PDCD10: variants seen among roughly 807,000 people sequenced by gnomAD.
PDCD10 encodes programmed cell death protein 10.
In PDCD10, 4 loss-of-function variants were observed where a neutral mutation model predicts 29.2. The ratio of observed to expected loss-of-function variants is 0.14; its 90% CI spans 0.07 to 0.31. The LOEUF (loss-of-function observed/expected upper bound fraction) is 0.31. Ranked by LOEUF, PDCD10 falls within the 10% of genes least tolerant of loss-of-function variation. PDCD10 has a pLI of 1.00. For synonymous variants in PDCD10, 70 were observed against 82.2 expected, an observed-to-expected ratio of 0.85 and a Z score of 0.80; for missense variants, 183 against 257.9, an observed-to-expected ratio of 0.71 and a Z score of 1.99.
intron 2 of PDCD10, among the ~76,000 whole-genome samples, chr3:167,726,561 ATCTC>A (rs1724204136): frequency 6.6e-6 from 1 of 152,150 alleles, no homozygotes; most frequent in Non-Finnish European, 1.5e-5. Flanking sequence ...AGTTTTGTAA[ATCTC>A]TATTTCTAAA....
intron 3 of PDCD10, among the ~76,000 whole-genome samples, chr3:167,715,188 G>C (rs777570482): frequency 6.6e-6 from 1 of 151,854 alleles, no homozygotes; most frequent in Non-Finnish European, 1.5e-5. Flanking sequence ...TTAATAAATG[G>C]TGCACAGAAA....
At chr3:167,691,001 A>G (rs2108386853) in intron 6 of PDCD10, among the ~76,000 whole-genome samples, 1 of 152,340 alleles carries the variant, frequency 6.6e-6, no homozygotes, top group African/African-American at 2.4e-5. Context: ...AGCATCACCT[A>G]TAGTACTTGG....
chr3:167,717,596 T>C (rs1304806549), intron 3 of PDCD10, among the ~76,000 whole-genome samples: 1 of 151,790 alleles, frequency 6.6e-6, no homozygotes, highest in Non-Finnish European at 1.5e-5. Flanking sequence ...ATATGTTATG[T>C]TAACAAACTA....
At chr3:167,686,582 G>C (rs539444938) in intron 8 of PDCD10, among the ~76,000 whole-genome samples, 83 of 152,258 alleles carry the variant, frequency 5.5e-4, no homozygotes, top group African/African-American at 2.0e-3. Flanking sequence ...TAGTGCAGTA[G>C]TTCTCAATAG....
rs11332537 is a variant in PDCD10, at chr3:167,695,998, CA to C, written c.269-277del. Among the ~76,000 whole-genome samples the C allele has an allele frequency of 0.34, 48,286 of 141,936 alleles. 9,377 individuals carry two copies. The highest frequency in any genetic ancestry group is 0.57 in the African/African-American group (22,531 of 39,270). The allele number at this position is 141,936 out of a possible 152,430, so 93.1% of individuals were successfully genotyped here. On this transcript the variant is annotated intron_variant, in intron 5 of 8. Coordinates refer to ENST00000392750, the MANE Select transcript of PDCD10 (RefSeq NM_007217.4). ...TGAAATCTTAAAAAAAAAAAACACA[CA>C]AAAAAAAAACAGATTTAAAAGGGAG...
At chr3:167,725,761 GTTTATATATATATATATATATATATATA>G (rs1215519878) in intron 2 of PDCD10, among the ~76,000 whole-genome samples, 2 of 54,712 alleles carry the variant, frequency 3.7e-5, no homozygotes, top group East Asian at 9.0e-4. Flanking sequence ...CCATTGTATC[GTTTATATATATATATATATATATATATA>G]TATATATATA....
chr3:167,698,087 T>C (rs935082308), intron 4 of PDCD10: 3 of 433,790 alleles, frequency 6.9e-6, no homozygotes, highest in Admixed American at 2.5e-5. Flanking sequence ...TTCAATTCCA[T>C]TGATTATCAC....
chr3:167,712,787 C>CA (rs1363515647), intron 3 of PDCD10, among the ~76,000 whole-genome samples: 2 of 151,292 alleles, frequency 1.3e-5, no homozygotes, highest in South Asian at 2.1e-4. Context: ...AAATGGAAAC[C>CA]AAAAAAAGAG....
intron 4 of PDCD10, among the ~76,000 whole-genome samples, chr3:167,701,032 A>G (rs1448143620): frequency 5.9e-5 from 9 of 152,178 alleles, no homozygotes. Context: ...GTTTATGATC[A>G]GGACTGTCCT....
intron 2 of PDCD10, among the ~76,000 whole-genome samples, chr3:167,728,127 C>T (rs1329030093): frequency 6.6e-6 from 1 of 151,666 alleles, no homozygotes; most frequent in Non-Finnish European, 1.5e-5. Flanking sequence ...TTTAAGGGAG[C>T]ATACCAAAAA....
At chr3:167,700,821 A>G (rs189295877) in intron 4 of PDCD10, among the ~76,000 whole-genome samples, 2 of 152,348 alleles carry the variant, frequency 1.3e-5, no homozygotes, top group African/African-American at 2.4e-5. Flanking sequence ...GAGGCAGCAA[A>G]TAAGTCCCCA....
chr3:167,732,203 C>A (rs1577384074), intron 2 of PDCD10, among the ~76,000 whole-genome samples: 1 of 152,168 alleles, frequency 6.6e-6, no homozygotes, highest in South Asian at 2.1e-4. Context: ...TTTTGTCTTA[C>A]TCCCACCAGT....
chr3:167,699,617 G>T (rs1041276438), intron 4 of PDCD10, among the ~76,000 whole-genome samples: 2 of 152,132 alleles, frequency 1.3e-5, no homozygotes, highest in Non-Finnish European at 2.9e-5. Flanking sequence ...AACCCTGTAG[G>T]GTGTCTAATC....
rs1251229309 is a variant in PDCD10 at position 167,695,485 on chromosome 3, T to G, written c.395+111A>C. On this transcript the variant is annotated intron_variant, in intron 6 of 8. Transcript: ENST00000392750. ...ATGTGGTATTTAAAAATTTGAGATT[T>G]TATTTCAAATAAGCATTTCAAGTTA... 3.2e-5 allele frequency: 31 copies of G among 970,726 alleles called. 1 individual carries two copies. Among genetic ancestry groups the G allele is most frequent in the Non-Finnish European group, 4.9e-5 (30 of 611,002 alleles). 60.1% of individuals were successfully genotyped at this position (970,726 alleles called of 1,614,324 possible). A position where few individuals can be genotyped will look rare whatever the true frequency, so the allele number is the denominator to read the frequency against.
intron 8 of PDCD10, among the ~76,000 whole-genome samples, chr3:167,685,801 T>A (rs944023984): frequency 2.0e-5 from 3 of 152,200 alleles, no homozygotes; most frequent in African/African-American, 7.2e-5. Flanking sequence ...TAAAAGTTTA[T>A]TTTCAAAACA....
At chr3:167,709,384 G>A (rs545284371) in intron 3 of PDCD10, among the ~76,000 whole-genome samples, 6 of 152,160 alleles carry the variant, frequency 3.9e-5, no homozygotes, top group African/African-American at 7.2e-5. Flanking sequence ...CCCCCATCCC[G>A]CAATAGCAGC....
In PDCD10 at chr3:167,696,116, C is replaced by T. The variant is rs923264353; in HGVS notation, c.269-394G>A. ...ATAACTAGTGCAAAGGTAATATCTA[C>T]TTGCCAACTGGAAAGATTAAAAATT... On this transcript the variant is annotated intron_variant, in intron 5 of 8. Transcript: ENST00000392750. Among the ~76,000 whole-genome samples, 34 of 152,024 alleles carry T rather than the reference C, an allele frequency of 2.2e-4. 1 individual carries two copies. The highest frequency in any genetic ancestry group is 1.8e-3 in the Admixed American group (27 of 15,270).
chr3:167,697,642 TAACTA>T (rs1720948257), intron 4 of PDCD10, among the ~76,000 whole-genome samples: 1 of 152,222 alleles, frequency 6.6e-6, no homozygotes, highest in Admixed American at 6.5e-5. Context: ...AATAATACCT[TAACTA>T]TTTTCCCACA....
chr3:167,694,258 T>A (rs1000450247), intron 6 of PDCD10: 3 of 177,710 alleles, frequency 1.7e-5, no homozygotes, highest in African/African-American at 7.2e-5. Context: ...CTAAAAAACA[T>A]GCATTTACAA....
Sources: gnomAD v4.1 joint callset for allele counts (sites outside exome capture counted in the v4.1 genomes callset) on GRCh38, gnomAD v4.1.1 for gene constraint, MANE v1.5 for transcripts, NCBI Gene and HGNC (gene_info 2026-07-23, HGNC 2026-07-21) for gene names.